The following ATP6V0A1 variants were observed in gnomAD, a reference collection of about 807,000 sequenced individuals.
ATP6V0A1 encodes the protein ATPase H+ transporting V0 subunit a1, also known as V-type proton ATPase 116 kDa subunit a 1.
Under a neutral mutation model 105.4 loss-of-function variants are expected in ATP6V0A1, and 43 were observed. The ratio of observed to expected loss-of-function variants is 0.41; its 90% CI spans 0.32 to 0.53. The LOEUF (loss-of-function observed/expected upper bound fraction) is 0.53, where lower values mean the gene tolerates loss of function less well. ATP6V0A1 is among the 20% of genes least tolerant of loss of function. The pLI is 0.30. For missense variants in ATP6V0A1, 676 were observed against 1,051.1 expected (o/e 0.64, Z 4.93); for synonymous variants, 362 against 372.8 (o/e 0.97, Z 0.33).
chr17:42,461,925 G>A (rs2086453926), intron 2 of ATP6V0A1, among the ~76,000 whole-genome samples: 1 of 151,750 alleles, frequency 6.6e-6, no homozygotes, highest in African/African-American at 2.4e-5. Context: ...AAGAGATAGG[G>A]GCCAGGTGCA....
rs768894532 is a variant in ATP6V0A1, at chr17:42,480,658, G to C, written c.634-9G>C. ...GTCTGAACTCTTGTTTTTTTATTCTGGGGCCTAGGGCGACTACGTGCACAA... is the reference window on the plus strand; with the variant it reads ...GTCTGAACTCTTGTTTTTTTATTCTCGGGCCTAGGGCGACTACGTGCACAA... On this transcript the variant is annotated splice_polypyrimidine_tract_variant and intron_variant, in intron 7 of 21. Coordinates refer to ENST00000343619, the MANE Select transcript of ATP6V0A1 (RefSeq NM_001130021.3). 6.3e-7 allele frequency: 1 copy of C among 1,596,380 alleles called. No homozygotes were observed. Among genetic ancestry groups the C allele is most frequent in the South Asian group, 1.1e-5 (1 of 87,518 alleles).
intron 21 of ATP6V0A1, chr17:42,519,326 G>C (rs1437866263): frequency 6.6e-6 from 1 of 152,420 alleles, no homozygotes; most frequent in Admixed American, 6.5e-5. Context: ...TTAGCCAGGA[G>C]GGGGTGGGGG....
chr17:42,479,846 G>T (rs1409619869), intron 7 of ATP6V0A1, among the ~76,000 whole-genome samples: 1 of 152,146 alleles, frequency 6.6e-6, no homozygotes, highest in East Asian at 1.9e-4. Flanking sequence ...TTTCCTCTTG[G>T]CAACAGAAAG....
In ATP6V0A1 at chr17:42,507,510, A is replaced by G; in HGVS notation, c.2005-10A>G. 1.3e-6 allele frequency: 2 copies of G among 1,591,742 alleles called. No homozygotes were observed. The highest frequency in any genetic ancestry group is 1.7e-6 in the Non-Finnish European group (2 of 1,162,208). On this transcript the variant is annotated splice_polypyrimidine_tract_variant and intron_variant, in intron 17 of 21. Transcript: ENST00000343619. ...CAGGCAAATTCTACTCTTTCTGTTC[A>G]TCTGTGTAGGGAACTCTCAACTTTG...
chr17:42,505,568 G>A (rs757870347), intron 17 of ATP6V0A1, among the ~76,000 whole-genome samples: 5 of 152,022 alleles, frequency 3.3e-5, no homozygotes, highest in African/African-American at 4.8e-5. Context: ...TCGAACTCCT[G>A]ACCTTGTGAT....
chr17:42,508,481 T>TCCC, intron 18 of ATP6V0A1, 91 bp from the exon 19 acceptor site: 2 of 1,539,414 alleles, frequency 1.3e-6, no homozygotes, highest in Non-Finnish European at 1.8e-6. Flanking sequence ...TGAACAGTCC[T>TCCC]CCCCAAGAAG....
chr17:42,493,207 T>C (rs754886598), intron 11 of ATP6V0A1, among the ~76,000 whole-genome samples: 4 of 152,196 alleles, frequency 2.6e-5, no homozygotes, highest in Non-Finnish European at 4.4e-5. Context: ...GTAGCAAGTA[T>C]TGGCCACTTT....
At chr17:42,478,652 T>C in intron 7 of ATP6V0A1, 63 bp downstream of exon 7, 12 of 1,462,154 alleles carry the variant, frequency 8.2e-6, no homozygotes, top group Non-Finnish European at 1.1e-5. Flanking sequence ...AGCAGTAACG[T>C]AGCATGGGGC....
chr17:42,459,403 A>C (rs781183539), intron 1 of ATP6V0A1, among the ~76,000 whole-genome samples: 1 of 152,180 alleles, frequency 6.6e-6, no homozygotes, highest in Non-Finnish European at 1.5e-5. Flanking sequence ...TCTTCTAGGC[A>C]GGGCGCGGGG....
At chr17:42,491,753 G>C (rs572153587) in intron 11 of ATP6V0A1, among the ~76,000 whole-genome samples, 1 of 152,332 alleles carries the variant, frequency 6.6e-6, no homozygotes, top group African/African-American at 2.4e-5. Flanking sequence ...CAAGTGCTGG[G>C]ATTACAGACG....
Position 42,507,500 on chromosome 17 carries a change from C to T in ATP6V0A1, c.2005-20C>T. 1.9e-6 allele frequency: 3 copies of T among 1,572,862 alleles called. No individual in the cohort carries two copies. The highest frequency in any genetic ancestry group is 2.6e-6 in the Non-Finnish European group (3 of 1,147,068). On this transcript the variant is annotated intron_variant, in intron 17 of 21. Coordinates refer to ENST00000343619, the MANE Select transcript of ATP6V0A1 (RefSeq NM_001130021.3). Reference sequence around the variant, plus strand: ...TGTTAAAGCCCAGGCAAATTCTACTCTTTCTGTTCATCTGTGTAGGGAACT... The same window carrying T: ...TGTTAAAGCCCAGGCAAATTCTACTTTTTCTGTTCATCTGTGTAGGGAACT...
chr17:42,463,115 C>A (rs1239065093), intron 2 of ATP6V0A1, among the ~76,000 whole-genome samples: 1 of 145,566 alleles, frequency 6.9e-6, no homozygotes, highest in Non-Finnish European at 1.5e-5. Flanking sequence ...AAGCAATCCT[C>A]CCTCAGCCTC....
intron 9 of ATP6V0A1, among the ~76,000 whole-genome samples, chr17:42,486,476 C>T (rs940188753): frequency 2.0e-5 from 3 of 152,156 alleles, no homozygotes; most frequent in African/African-American, 7.2e-5. Flanking sequence ...TACCTTCCTC[C>T]CACCTTAGTC....
intron 6 of ATP6V0A1, 24 bp downstream of exon 6, chr17:42,477,766 G>A (rs1362847441): frequency 6.4e-7 from 1 of 1,568,312 alleles, no homozygotes; most frequent in Non-Finnish European, 8.8e-7. Context: ...CAACTTTTCG[G>A]TATTCAGTGG....
intron 3 of ATP6V0A1, 57 bp downstream of exon 3, chr17:42,466,564 A>G: frequency 7.0e-7 from 1 of 1,431,762 alleles, no homozygotes; most frequent in Non-Finnish European, 9.8e-7. Flanking sequence ...GTCTTAGATT[A>G]GTGACATTAG....
chr17:42,503,158 G>C (rs1474765150), intron 17 of ATP6V0A1, among the ~76,000 whole-genome samples: 1 of 152,154 alleles, frequency 6.6e-6, no homozygotes, highest in Non-Finnish European at 1.5e-5. Flanking sequence ...CTTAATCCAA[G>C]ATGACAGCTC....
At chr17:42,516,318 T>C (rs2146334255) in intron 21 of ATP6V0A1, among the ~76,000 whole-genome samples, 1 of 152,250 alleles carries the variant, frequency 6.6e-6, no homozygotes, top group South Asian at 2.1e-4. Flanking sequence ...GAGTGAGGCA[T>C]GGAAGGGCAA....
chr17:42,492,057 G>A (rs1158359527), intron 11 of ATP6V0A1, among the ~76,000 whole-genome samples: 1 of 152,184 alleles, frequency 6.6e-6, no homozygotes, highest in African/African-American at 2.4e-5. Context: ...CTCAGATCTT[G>A]TGTACTCCCT....
chr17:42,476,321 T>A (rs1367650841), intron 5 of ATP6V0A1, among the ~76,000 whole-genome samples: 1 of 152,208 alleles, frequency 6.6e-6, no homozygotes, highest in Non-Finnish European at 1.5e-5. Context: ...ATACACAGTT[T>A]TTCCCCCTTT....
Sources: allele counts gnomAD v4.1 joint callset (sites outside exome capture counted in the v4.1 genomes callset), GRCh38; gene constraint gnomAD v4.1.1; transcripts MANE v1.5; gene names NCBI Gene and HGNC (gene_info 2026-07-23, HGNC 2026-07-21).